PRORP: variants seen among roughly 807,000 people sequenced by gnomAD.
The protein encoded by PRORP is protein only RNase P catalytic subunit.
Under a neutral mutation model 59.4 loss-of-function variants are expected in PRORP, and 51 were observed. The ratio of observed to expected loss-of-function variants is 0.86; its 90% CI spans 0.69 to 1.08. The LOEUF (loss-of-function observed/expected upper bound fraction) is 1.08, where lower values mean the gene tolerates loss of function less well. PRORP is among the 50% of genes least tolerant of loss of function. PRORP has a pLI of 0.00. For synonymous variants in PRORP, 231 were observed against 245.6 expected (o/e 0.94, Z 0.55); for missense variants, 646 against 690.3 (o/e 0.94, Z 0.72).
intron 4 of PRORP, among the ~76,000 whole-genome samples, chr14:35,166,325 TCTCTCCTTAA>T (rs2048183574): frequency 6.6e-6 from 1 of 152,180 alleles, no homozygotes; most frequent in Non-Finnish European, 1.5e-5. Flanking sequence ...CTCTTGCTAT[TCTCTCCTTAA>T]AGCTTATTGC....
At chr14:35,201,729 G>C (rs2049156473) in intron 5 of PRORP, among the ~76,000 whole-genome samples, 1 of 150,580 alleles carries the variant, frequency 6.6e-6, no homozygotes, top group Admixed American at 6.6e-5. Context: ...TGCGATCTTG[G>C]CTCACTGCAA....
chr14:35,147,738 A>G (rs1286949351), intron 4 of PRORP, among the ~76,000 whole-genome samples: 2 of 152,234 alleles, frequency 1.3e-5, no homozygotes, highest in African/African-American at 4.8e-5. Flanking sequence ...TTTTGAAAGC[A>G]TTTTACCACA....
intron 4 of PRORP, among the ~76,000 whole-genome samples, chr14:35,153,620 G>A (rs1408756618): frequency 6.6e-6 from 1 of 152,190 alleles, no homozygotes; most frequent in Non-Finnish European, 1.5e-5. Flanking sequence ...AGTTTAATAA[G>A]ATAGTGTTCA....
chr14:35,126,884 T>A, intron 3 of PRORP, 102 bp downstream of exon 3: 1 of 859,648 alleles, frequency 1.2e-6, no homozygotes, highest in South Asian at 1.6e-5. Flanking sequence ...GTAGGATAAT[T>A]ACAAGTTTGT....
intron 6 of PRORP, among the ~76,000 whole-genome samples, chr14:35,268,856 A>C (rs191549021): frequency 1.2e-4 from 19 of 152,322 alleles, no homozygotes; most frequent in African/African-American, 3.8e-4. Context: ...AGCCTCCCAA[A>C]GTGCTAGGAT....
At chr14:35,198,980 A>C (rs2049075563) in intron 5 of PRORP, among the ~76,000 whole-genome samples, 1 of 152,236 alleles carries the variant, frequency 6.6e-6, no homozygotes, top group African/African-American at 2.4e-5. Context: ...CAGCCTGACC[A>C]ACATGGCGAA....
At chr14:35,257,650 G>A (rs932468499) in intron 5 of PRORP, among the ~76,000 whole-genome samples, 2 of 152,104 alleles carry the variant, frequency 1.3e-5, no homozygotes, top group Non-Finnish European at 2.9e-5. Context: ...CTTTCCTGGA[G>A]GTATCCCATA....
intron 4 of PRORP, among the ~76,000 whole-genome samples, chr14:35,159,877 G>A (rs1038842069): frequency 2.0e-5 from 3 of 152,146 alleles, no homozygotes; most frequent in Admixed American, 1.3e-4. Context: ...TGGTAATTCT[G>A]CCTCCTTATG....
intron 4 of PRORP, among the ~76,000 whole-genome samples, chr14:35,176,530 T>G (rs1029896179): frequency 1.3e-5 from 2 of 152,214 alleles, no homozygotes; most frequent in African/African-American, 4.8e-5. Context: ...ACTCATGATT[T>G]GGCTCTCTGT....
intron 5 of PRORP, among the ~76,000 whole-genome samples, chr14:35,244,035 A>G (rs918663641): frequency 5.9e-5 from 9 of 152,198 alleles, no homozygotes; most frequent in African/African-American, 1.9e-4. Context: ...TGATTCAAGT[A>G]TAGTGAATAC....
intron 5 of PRORP, chr14:35,262,531 G>A (rs1239382511): frequency 4.7e-6 from 3 of 634,074 alleles, no homozygotes; most frequent in Non-Finnish European, 8.7e-6. Context: ...GGGACACACA[G>A]TTACTGTGAA....
chr14:35,270,910 C>T (rs186852565), intron 7 of PRORP, among the ~76,000 whole-genome samples: 279 of 151,510 alleles, frequency 1.8e-3, no homozygotes, highest in African/African-American at 6.4e-3. Context: ...GGTGAAACCC[C>T]GTCTCTACTA....
intron 4 of PRORP, 35 bp downstream of exon 4, chr14:35,127,646 C>T: frequency 1.2e-6 from 2 of 1,612,378 alleles, no homozygotes; most frequent in East Asian, 2.2e-5. Context: ...TCTTGGATTG[C>T]TTGTCTAGAG....
chr14:35,159,697 G>A (rs1258823366), intron 4 of PRORP, among the ~76,000 whole-genome samples: 2 of 152,128 alleles, frequency 1.3e-5, no homozygotes, highest in African/African-American at 4.8e-5. Context: ...TACCATTTCA[G>A]TTAATCTTTA....
At chr14:35,164,447 A>T (rs79820659) in intron 4 of PRORP, among the ~76,000 whole-genome samples, 9,363 of 152,334 alleles carry the variant, frequency 0.061, 377 homozygotes, top group Middle Eastern at 0.11. Context: ...ATGGAATGCT[A>T]TGCAACCATA....
chr14:35,273,607 C>T lies in PRORP; in HGVS notation c.*41C>T, dbSNP rs769360479. ...TGCTAAGTTTGTGTTTGGGTACCCTCTAGGTTGGCATCAGAGGCTCTTGAG... is the reference window on the plus strand; with the variant it reads ...TGCTAAGTTTGTGTTTGGGTACCCTTTAGGTTGGCATCAGAGGCTCTTGAG... On this transcript the variant is annotated 3_prime_UTR_variant, in exon 8 of 8. Coordinates refer to ENST00000534898, the MANE Select transcript of PRORP (RefSeq NM_014672.4). 1.2e-5 allele frequency: 19 copies of T among 1,588,196 alleles called. No individual in the cohort carries two copies. The highest frequency in any genetic ancestry group is 1.6e-5 in the Non-Finnish European group (19 of 1,167,944).
chr14:35,130,449 T>A (rs2047211506), intron 4 of PRORP, among the ~76,000 whole-genome samples: 1 of 151,844 alleles, frequency 6.6e-6, no homozygotes, highest in South Asian at 2.1e-4. Flanking sequence ...TTATGTACCC[T>A]CAGATGATTT....
At chr14:35,190,313 G>A (rs145391487) in intron 5 of PRORP, among the ~76,000 whole-genome samples, 10,923 of 150,700 alleles carry the variant, frequency 0.072, 516 homozygotes, top group Middle Eastern at 0.12. Context: ...CAGGAGAATC[G>A]CTTGAATCCA....
intron 5 of PRORP, among the ~76,000 whole-genome samples, chr14:35,209,692 C>T (rs2049388434): frequency 6.6e-6 from 1 of 152,066 alleles, no homozygotes; most frequent in African/African-American, 2.4e-5. Flanking sequence ...CATGCCACCA[C>T]ACCTGGCTAA....
Sources: gnomAD v4.1 joint callset for allele counts (sites outside exome capture counted in the v4.1 genomes callset) on GRCh38, gnomAD v4.1.1 for gene constraint, MANE v1.5 for transcripts, NCBI Gene and HGNC (gene_info 2026-07-23, HGNC 2026-07-21) for gene names.